The following RBFOX1 variants were observed in gnomAD, a reference collection of about 807,000 sequenced individuals.
RBFOX1 encodes RNA binding protein fox-1 homolog 1.
RBFOX1 carries 8 observed loss-of-function variants against 57.7 expected under a neutral mutation model. That is an observed-to-expected ratio of 0.14 (90% confidence interval 0.08 to 0.25). The LOEUF (loss-of-function observed/expected upper bound fraction) is 0.25. Among genes scored for constraint, RBFOX1 ranks in the 10% least tolerant of loss-of-function variants. The pLI is 1.00. For missense variants in RBFOX1, 611 were observed against 548.5 expected (o/e 1.11, Z -1.14); for synonymous variants, 326 against 222.4 (o/e 1.47, Z -4.15).
intron 1 of RBFOX1, among the ~76,000 whole-genome samples, chr16:5,322,942 C>T (rs781189618): frequency 2.0e-5 from 3 of 152,284 alleles, no homozygotes; most frequent in Non-Finnish European, 2.9e-5. Context: ...CTTTTGTCCT[C>T]AGAGTCTGAG....
intron 1 of RBFOX1, among the ~76,000 whole-genome samples, chr16:5,295,152 T>A (rs1263223466): frequency 6.6e-6 from 1 of 151,848 alleles, no homozygotes; most frequent in Non-Finnish European, 1.5e-5. Flanking sequence ...GGTCACATGC[T>A]TGACATGCCT....
chr16:7,071,568 A>T (rs1161369268), intron 4 of RBFOX1, among the ~76,000 whole-genome samples: 2 of 147,650 alleles, frequency 1.4e-5, no homozygotes, highest in Non-Finnish European at 3.0e-5. Flanking sequence ...AACTGACCCC[A>T]ACACTAATTT....
At chr16:6,886,872 T>G (rs2153361308) in intron 3 of RBFOX1, among the ~76,000 whole-genome samples, 1 of 152,306 alleles carries the variant, frequency 6.6e-6, no homozygotes, top group South Asian at 2.1e-4. Context: ...AAAGAGATGC[T>G]TCCGAAATTT....
At chr16:7,190,121 G>T (rs1378296565) in intron 4 of RBFOX1, among the ~76,000 whole-genome samples, 6 of 152,314 alleles carry the variant, frequency 3.9e-5, no homozygotes, top group South Asian at 4.1e-4. Flanking sequence ...AGAACTTTGG[G>T]AGGCCAAGGC....
intron 3 of RBFOX1, among the ~76,000 whole-genome samples, chr16:6,895,887 T>G (rs1189829324): frequency 6.6e-6 from 1 of 152,100 alleles, no homozygotes; most frequent in Non-Finnish European, 1.5e-5. Flanking sequence ...CATCCTCTTA[T>G]GTCATCTTTT....
intron 3 of RBFOX1, among the ~76,000 whole-genome samples, chr16:6,767,943 ATAAT>A (rs2077604702): frequency 1.1e-5 from 1 of 91,278 alleles, no homozygotes; most frequent in Non-Finnish European, 2.1e-5. Context: ...AATAATAATA[ATAAT>A]AAGAAGAAGA....
At chr16:6,089,858 C>T (rs1597204625) in intron 1 of RBFOX1, among the ~76,000 whole-genome samples, 1 of 152,190 alleles carries the variant, frequency 6.6e-6, no homozygotes, top group Admixed American at 6.5e-5. Context: ...CTCTTAAGAA[C>T]ACACAAACTC....
At chr16:7,572,439 A>G (rs1296386264) in intron 5 of RBFOX1, among the ~76,000 whole-genome samples, 1 of 152,166 alleles carries the variant, frequency 6.6e-6, no homozygotes, top group East Asian at 1.9e-4. Flanking sequence ...TTTGAATCCC[A>G]GGAGATATTT....
chr16:7,219,926 G>C (rs539882983), intron 4 of RBFOX1, among the ~76,000 whole-genome samples: 5 of 152,248 alleles, frequency 3.3e-5, no homozygotes, highest in African/African-American at 1.2e-4. Context: ...TGATCAGTAG[G>C]GTTTAGTAGC....
intron 1 of RBFOX1, among the ~76,000 whole-genome samples, chr16:6,218,916 A>C (rs2097353804): frequency 6.6e-6 from 1 of 152,246 alleles, no homozygotes. Context: ...TAAGTGCTGC[A>C]TGCAAGTATG....
At chr16:7,474,161 C>G (rs1490873024) in intron 4 of RBFOX1, among the ~76,000 whole-genome samples, 1 of 152,108 alleles carries the variant, frequency 6.6e-6, no homozygotes, top group Non-Finnish European at 1.5e-5. Flanking sequence ...GTGGCGCATG[C>G]CTGTAGTTCC....
chr16:6,999,316 A>G (rs1044213267), intron 3 of RBFOX1, among the ~76,000 whole-genome samples: 1 of 150,318 alleles, frequency 6.7e-6, no homozygotes, highest in Non-Finnish European at 1.5e-5. Context: ...CTCGGCCTCC[A>G]AAAGTGATGG....
chr16:7,212,058 T>C (rs1170517300), intron 4 of RBFOX1, among the ~76,000 whole-genome samples: 3 of 152,098 alleles, frequency 2.0e-5, no homozygotes, highest in Admixed American at 2.0e-4. Context: ...AGAAGGTTCC[T>C]AACAAGTCAC....
At chr16:7,501,762 T>A (rs2070962000) in intron 4 of RBFOX1, among the ~76,000 whole-genome samples, 1 of 152,240 alleles carries the variant, frequency 6.6e-6, no homozygotes, top group Non-Finnish European at 1.5e-5. Context: ...ACATCAGTTC[T>A]TCTGGAAAAC....
intron 1 of RBFOX1, among the ~76,000 whole-genome samples, chr16:5,352,769 C>G (rs934434357): frequency 2.6e-5 from 4 of 151,940 alleles, no homozygotes; most frequent in Non-Finnish European, 5.9e-5. Flanking sequence ...ATGGCAGAAA[C>G]CTGTCCCTAC....
chr16:5,998,685 G>A (rs543857257), intron 4 of RBFOX1, among the ~76,000 whole-genome samples: 2 of 152,142 alleles, frequency 1.3e-5, no homozygotes, highest in South Asian at 2.1e-4. Context: ...CCATCCGAAT[G>A]TCCTTTCTGC....
intron 2 of RBFOX1, among the ~76,000 whole-genome samples, chr16:6,328,509 T>C (rs1199295743): frequency 6.6e-6 from 1 of 152,180 alleles, no homozygotes; most frequent in Non-Finnish European, 1.5e-5. Context: ...CAATAGACCC[T>C]ATGGGTCACA....
intron 1 of RBFOX1, among the ~76,000 whole-genome samples, chr16:6,149,759 C>G (rs1026177966): frequency 1.3e-5 from 2 of 152,154 alleles, no homozygotes; most frequent in African/African-American, 4.8e-5. Context: ...GAAAGATAGT[C>G]GATTCTCTTA....
At chr16:7,275,443 A>T (rs1056995344) in intron 4 of RBFOX1, among the ~76,000 whole-genome samples, 1 of 152,250 alleles carries the variant, frequency 6.6e-6, no homozygotes, top group Admixed American at 6.5e-5. Context: ...TCCAGACATT[A>T]ACATAAGTAA....
Sources: gnomAD v4.1 joint callset for allele counts (sites outside exome capture counted in the v4.1 genomes callset) on GRCh38, gnomAD v4.1.1 for gene constraint, MANE v1.5 for transcripts, NCBI Gene and HGNC (gene_info 2026-07-23, HGNC 2026-07-21) for gene names.